BPTF: variants seen among roughly 807,000 people sequenced by gnomAD.
BPTF encodes nucleosome-remodeling factor subunit BPTF.
In BPTF, 18 loss-of-function variants were observed where a neutral mutation model predicts 292.5. The ratio of observed to expected loss-of-function variants is 0.06; its 90% confidence interval spans 0.04 to 0.09. The LOEUF is 0.09. Among genes scored for constraint, BPTF ranks in the 10% least tolerant of loss-of-function variants. The pLI is 1.00. For synonymous variants in BPTF, 1,225 were observed against 1,251.9 expected, an observed-to-expected ratio of 0.98 and a Z score of 0.45; for missense variants, 2,726 against 3,498.7, an observed-to-expected ratio of 0.78 and a Z score of 5.57.
intron 1 of BPTF, among the ~76,000 whole-genome samples, chr17:67,849,658 C>T (rs1484716408): frequency 6.6e-6 from 1 of 152,104 alleles, no homozygotes; most frequent in African/African-American, 2.4e-5. Context: ...AAGTTCTCGG[C>T]TGGGCGTGGT....
At chr17:67,935,212 C>T (rs963706613) in intron 18 of BPTF, among the ~76,000 whole-genome samples, 5 of 152,102 alleles carry the variant, frequency 3.3e-5, no homozygotes, top group Admixed American at 3.3e-4. Context: ...TCACTTGAAC[C>T]TATTAGTTCT....
At position 67,945,699 on chromosome 17, in the gene BPTF, C is replaced by T. The variant is rs782791308; in HGVS notation, c.6991C>T (p.Pro2331Ser). ...GCCCCAAGTTGCAGCACAGTCTCAG[C>T]CTCAAAGTAATGTCCAAGGACAGTC... ...SKPQVAAQSQ[P>S]QSNVQGQSPV... The change falls in exon 21 of 28, where the codon CCT (proline) becomes TCT (serine). Residue 2331 changes from proline (P) to serine (S), a missense_variant. Physicochemically the swap from Pro to Ser is moderately conservative, Grantham distance 74. Coordinates refer to ENST00000306378, the MANE Select transcript of BPTF (RefSeq NM_182641.4). The T allele has an allele frequency of 6.2e-7, 1 of 1,614,168 alleles. No individual in the cohort carries two copies. The highest frequency in any genetic ancestry group is 1.7e-5 in the Admixed American group (1 of 60,012).
chr17:67,941,466 A>C (rs935607867), intron 19 of BPTF, among the ~76,000 whole-genome samples: 2 of 152,170 alleles, frequency 1.3e-5, no homozygotes, highest in Non-Finnish European at 2.9e-5. Context: ...AAAACCAAAA[A>C]ACTTAGTATA....
At chr17:67,851,051 A>G (rs370804353) in intron 1 of BPTF, among the ~76,000 whole-genome samples, 61 of 152,300 alleles carry the variant, frequency 4.0e-4, no homozygotes, top group African/African-American at 1.4e-3. Flanking sequence ...CACTCACCAG[A>G]CTATGGAGGA....
At chr17:67,966,449 A>T (rs2068106651) in intron 25 of BPTF, 123 bp from the exon 26 acceptor site, 1 of 798,598 alleles carries the variant, frequency 1.3e-6, no homozygotes. Context: ...CACTTAATAT[A>T]AAATATTTCA....
intron 1 of BPTF, among the ~76,000 whole-genome samples, chr17:67,829,444 C>T (rs531421346): frequency 1.3e-4 from 20 of 151,950 alleles, no homozygotes; most frequent in Non-Finnish European, 2.5e-4. Flanking sequence ...ACTTACCGAC[C>T]GGCCCTCTAA....
In BPTF at chr17:67,911,118, A is replaced by T; in HGVS notation, c.3234A>T (p.Arg1078=). The T allele has an allele frequency of 6.2e-7, 1 of 1,614,026 alleles. No homozygotes were observed. The highest frequency in any genetic ancestry group is 8.5e-7 in the Non-Finnish European group (1 of 1,180,004). The part of the protein sequence containing the change: ...IKQFTLEEKQ[R]LEKIKLEGGI... ...AGTTTACACTGGAAGAAAAACAGCG[A>T]CTCGAAAAAATCAAGTTGGAGGGTG... Residue 1078 remains arginine (R), a synonymous_variant, in exon 11 of 28, where the codon CGA becomes CGT. Transcript: ENST00000306378.
At chr17:67,960,550 C>T (rs2067380207) in intron 24 of BPTF, among the ~76,000 whole-genome samples, 2 of 152,150 alleles carry the variant, frequency 1.3e-5, no homozygotes, top group Admixed American at 6.6e-5. Flanking sequence ...GGCACTAAAC[C>T]GTAAATGTAG....
At chr17:67,936,546 T>C (rs555269449) in intron 18 of BPTF, 5 of 152,208 alleles carry the variant, frequency 3.3e-5, no homozygotes, top group African/African-American at 4.8e-5. Flanking sequence ...CATAAGTGAA[T>C]GTGTAGTTTC....
chr17:67,959,659 C>A lies in BPTF; in HGVS notation c.8045C>A (p.Ala2682Asp). 1 of 1,610,670 alleles carries A rather than the reference C, an allele frequency of 6.2e-7. No homozygotes were observed. The change falls in exon 24 of 28, where the codon GCC becomes GAC. Residue 2682 changes from alanine (A) to aspartate (D), a missense_variant. Ala to Asp is a moderately radical substitution (Grantham distance 126). Transcript: ENST00000306378. ...PVTPAPPAPP[A>D]PPPSPPPPPA... ...ACACCAGCTCCTCCAGCCCCTCCAGCCCCTCCACCTTCACCTCCCCCTCCA... is the reference window on the plus strand; with the variant it reads ...ACACCAGCTCCTCCAGCCCCTCCAGACCCTCCACCTTCACCTCCCCCTCCA...
chr17:67,852,804 C>A (rs534927798), intron 1 of BPTF, among the ~76,000 whole-genome samples: 10 of 152,258 alleles, frequency 6.6e-5, no homozygotes, highest in African/African-American at 2.2e-4. Flanking sequence ...TGCCAAATTA[C>A]CTTCTAAAAA....
chr17:67,834,530 G>T (rs555593187), intron 1 of BPTF, among the ~76,000 whole-genome samples: 1 of 152,208 alleles, frequency 6.6e-6, no homozygotes, highest in South Asian at 2.1e-4. Flanking sequence ...TGAAGGATTT[G>T]TCTGTTTCTC....
At position 67,921,209 on chromosome 17, in the gene BPTF, CAAAAAAAAAAA is replaced by C. The variant is rs60707445; in HGVS notation, c.5557+1082_5557+1092del. ...TGGGTAACAGATTGAGAATCCGTGTCAAAAAAAAAAAAAAAAAAAAAAAAAAGAAATACAGG... is the reference window on the plus strand; with the variant it reads ...TGGGTAACAGATTGAGAATCCGTGTCAAAAAAAAAAAAAAAGAAATACAGG... On this transcript the variant is annotated intron_variant, in intron 13 of 27. Transcript: ENST00000306378. Among the ~76,000 whole-genome samples the C allele has an allele frequency of 6.7e-4, 33 of 49,242 alleles. 1 individual carries two copies. The highest frequency in any genetic ancestry group is 1.0e-3 in the South Asian group (1 of 1,002). The allele number at this position is 49,242 out of a possible 152,430, so 32.3% of individuals were successfully genotyped here.
intron 4 of BPTF, among the ~76,000 whole-genome samples, chr17:67,888,198 C>T (rs577155774): frequency 1.3e-4 from 20 of 152,152 alleles, no homozygotes; most frequent in African/African-American, 3.6e-4. Context: ...AGATTTCACC[C>T]ACAACTTAAA....
At chr17:67,888,039 G>T (rs1369200213) in intron 4 of BPTF, among the ~76,000 whole-genome samples, 1 of 152,170 alleles carries the variant, frequency 6.6e-6, no homozygotes, top group Non-Finnish European at 1.5e-5. Flanking sequence ...AGTTGGGTAG[G>T]AATGGTTTTC....
At position 67,952,054 on chromosome 17, in the gene BPTF, C is replaced by CAAAAA. The variant is rs56099409; in HGVS notation, c.7926+3767_7926+3771dup. ...TGGGCGACAGAGTGAGACTCTGTCT[C>CAAAAA]AAAAAAAAAAAAAAAAAAAAAAATT... On this transcript the variant is annotated intron_variant, in intron 23 of 27. Transcript: ENST00000306378. Among the ~76,000 whole-genome samples, 27 of 71,306 alleles carry CAAAAA rather than the reference C, an allele frequency of 3.8e-4. 1 individual carries two copies. Among genetic ancestry groups the CAAAAA allele is most frequent in the Admixed American group, 1.0e-3 (5 of 4,860 alleles). 46.8% of individuals were successfully genotyped at this position (71,306 alleles called of 152,430 possible).
chr17:67,924,464 A>AG (rs1334598301), intron 14 of BPTF, 83 bp from the exon 15 acceptor site: 2 of 1,376,380 alleles, frequency 1.5e-6, no homozygotes, highest in Admixed American at 2.0e-5. Flanking sequence ...GTATGATGTG[A>AG]AAATCAACCA....
chr17:67,916,363 G>GT (rs967338560), intron 11 of BPTF, among the ~76,000 whole-genome samples: 21 of 152,280 alleles, frequency 1.4e-4, no homozygotes, highest in African/African-American at 5.1e-4. Flanking sequence ...GCCGAGGCAG[G>GT]TGGATCACCT....
At position 67,984,249 on chromosome 17, in the gene BPTF, G is replaced by A. The variant is rs1430794791; in HGVS notation, c.*1961G>A. 6.6e-6 allele frequency: 1 copy of A among 152,434 alleles called. No homozygotes were observed. Among genetic ancestry groups the A allele is most frequent in the East Asian group, 1.9e-4 (1 of 5,188 alleles). 9.4% of individuals were successfully genotyped at this position (152,434 alleles called of 1,614,324 possible). A position where few individuals can be genotyped will look rare whatever the true frequency, so the allele number is the denominator to read the frequency against. ...AATCATTTAAAATTTGTTGCAGCAA[G>A]AACTTTCCTACCTGTAGGCAATAGA... On this transcript the variant is annotated 3_prime_UTR_variant, in exon 28 of 28. Transcript: ENST00000306378.
Sources: gnomAD v4.1 joint callset for allele counts (sites outside exome capture counted in the v4.1 genomes callset) on GRCh38, gnomAD v4.1.1 for gene constraint, MANE v1.5 for transcripts, NCBI Gene and HGNC (gene_info 2026-07-23, HGNC 2026-07-21) for gene names.